The following COL24A1 variants were observed in gnomAD, a reference collection of about 807,000 sequenced individuals.
COL24A1 encodes collagen type XXIV alpha 1 chain, also known as collagen alpha-1(XXIV) chain.
Under a neutral mutation model 253.9 loss-of-function variants are expected in COL24A1, and 224 were observed. The observed-to-expected ratio is 0.88, with a 90% CI of 0.79 to 0.99. The LOEUF (loss-of-function observed/expected upper bound fraction) is 0.99. Among genes scored for constraint, COL24A1 ranks in the 50% least tolerant of loss-of-function variants. The pLI is 0.00. For synonymous variants in COL24A1, 685 were observed against 673.7 expected (o/e 1.02, Z -0.26); for missense variants, 2,131 against 2,068.5 (o/e 1.03, Z -0.59).
At chr1:85,922,183 T>C (rs866888344) in intron 24 of COL24A1, among the ~76,000 whole-genome samples, 1 of 152,178 alleles carries the variant, frequency 6.6e-6, no homozygotes, top group Admixed American at 6.5e-5. Flanking sequence ...AGACCAAATC[T>C]ACATTTCATT....
intron 20 of COL24A1, among the ~76,000 whole-genome samples, chr1:85,977,074 C>T (rs1692759309): frequency 6.6e-6 from 1 of 152,180 alleles, no homozygotes. Context: ...CCAGCACCAG[C>T]CTGGAGCCTG....
chr1:85,977,282 A>C (rs1317611931), intron 20 of COL24A1, among the ~76,000 whole-genome samples: 1 of 152,184 alleles, frequency 6.6e-6, no homozygotes, highest in East Asian at 1.9e-4. Context: ...AGGAACCAGA[A>C]AAGTAATTCT....
chr1:85,758,070 C>G (rs1666448548), intron 55 of COL24A1, among the ~76,000 whole-genome samples: 1 of 152,170 alleles, frequency 6.6e-6, no homozygotes, highest in East Asian at 1.9e-4. Context: ...AGAATGTAAT[C>G]TTCATAATTC....
chr1:86,156,753 G>T lies in COL24A1; in HGVS notation c.-357C>A. On this transcript the variant is annotated 5_prime_UTR_variant, in exon 1 of 60. Transcript: ENST00000370571. ...CACTCAAGTTCACTTGCGGTTCAAA[G>T]GCGACTCTGTGACTCCAGTGGAGTC... 1 of 186,800 alleles carries T rather than the reference G, an allele frequency of 5.4e-6. No individual in the cohort carries two copies. Among genetic ancestry groups the T allele is most frequent in the Non-Finnish European group, 1.1e-5 (1 of 91,544 alleles). 11.6% of individuals were successfully genotyped at this position (186,800 alleles called of 1,614,324 possible).
intron 5 of COL24A1, among the ~76,000 whole-genome samples, chr1:86,108,620 T>TAAAAAAAAAAAAAAAAA (rs55852463): frequency 2.9e-4 from 24 of 83,098 alleles, no homozygotes; most frequent in African/African-American, 1.2e-3. Flanking sequence ...CCATCTCTAC[T>TAAAAAAAAAAAAAAAAA]AAAAAAAAAA....
At chr1:85,822,959 C>T (rs1328251362) in intron 45 of COL24A1, among the ~76,000 whole-genome samples, 1 of 152,140 alleles carries the variant, frequency 6.6e-6, no homozygotes, top group African/African-American at 2.4e-5. Flanking sequence ...GGTGTTTCCT[C>T]TTAAGTAATT....
chr1:85,885,467 T>G (rs6701281), intron 32 of COL24A1, among the ~76,000 whole-genome samples: 58,651 of 150,314 alleles, frequency 0.39, 12,223 homozygotes, highest in East Asian at 0.57. Flanking sequence ...GTGATCCACC[T>G]GCTTTGGCCT....
intron 52 of COL24A1, among the ~76,000 whole-genome samples, chr1:85,777,598 T>C (rs1413123855): frequency 1.3e-5 from 2 of 152,166 alleles, no homozygotes; most frequent in Non-Finnish European, 2.9e-5. Context: ...CAATTTTTTT[T>C]CCAATAAAAG....
intron 7 of COL24A1, 105 bp from the exon 8 acceptor site, chr1:86,063,864 C>A (rs1284113150): frequency 7.5e-6 from 4 of 536,258 alleles, no homozygotes; most frequent in Non-Finnish European, 1.3e-5. Flanking sequence ...TTGGTTGCCT[C>A]ATCAATACAA....
chr1:85,773,937 T>C (rs555547801), intron 53 of COL24A1, among the ~76,000 whole-genome samples: 33 of 152,250 alleles, frequency 2.2e-4, no homozygotes, highest in Admixed American at 1.9e-3. Flanking sequence ...GAGGGTATCC[T>C]TGTCTTGTGG....
chr1:86,105,609 C>A (rs1294096834), intron 5 of COL24A1, among the ~76,000 whole-genome samples: 2 of 151,828 alleles, frequency 1.3e-5, no homozygotes, highest in Non-Finnish European at 2.9e-5. Context: ...GGGGAACAGT[C>A]TCCTATGGGA....
At chr1:85,934,908 A>G (rs1192095051) in intron 24 of COL24A1, among the ~76,000 whole-genome samples, 1 of 152,146 alleles carries the variant, frequency 6.6e-6, no homozygotes, top group Non-Finnish European at 1.5e-5. Flanking sequence ...AAGAATTTAC[A>G]TTAAAAATAT....
At chr1:85,756,604 G>A (rs1350133326) in intron 55 of COL24A1, among the ~76,000 whole-genome samples, 1 of 152,186 alleles carries the variant, frequency 6.6e-6, no homozygotes, top group Non-Finnish European at 1.5e-5. Context: ...GGAATCTTGT[G>A]CACTGCTGGT....
intron 47 of COL24A1, among the ~76,000 whole-genome samples, chr1:85,813,533 T>C (rs1379852574): frequency 1.7e-4 from 1 of 5,926 alleles, no homozygotes; most frequent in Admixed American, 1.1e-3. Flanking sequence ...CATTCAGGTC[T>C]TTTTTTTTTT....
intron 19 of COL24A1, among the ~76,000 whole-genome samples, chr1:86,002,570 C>A (rs146587802): frequency 6.6e-6 from 1 of 152,318 alleles, no homozygotes; most frequent in African/African-American, 2.4e-5. Context: ...CAGGTTCAGT[C>A]TGAAGAGATC....
chr1:85,870,342 C>G (rs186817791), intron 35 of COL24A1, among the ~76,000 whole-genome samples: 4 of 152,196 alleles, frequency 2.6e-5, no homozygotes, highest in Admixed American at 1.3e-4. Context: ...CTGCACCAAG[C>G]AGACCTAATA....
Position 86,022,313 on chromosome 1 carries a change from GA to G in COL24A1, c.2203-21del. On this transcript the variant is annotated intron_variant, in intron 17 of 59. Coordinates refer to ENST00000370571, the MANE Select transcript of COL24A1 (RefSeq NM_152890.7). ...AGCACCCTAAGAGAAGAGAATAACAGAAGAGAAAGTTATTATACCACAAAAG... is the reference window on the plus strand; with the variant it reads ...AGCACCCTAAGAGAAGAGAATAACAGAGAGAAAGTTATTATACCACAAAAG... 1.9e-6 allele frequency: 3 copies of G among 1,599,824 alleles called. No homozygotes were observed. Among genetic ancestry groups the G allele is most frequent in the Non-Finnish European group, 2.6e-6 (3 of 1,167,634 alleles).
In COL24A1 at chr1:85,935,395, A is replaced by G. The variant is rs1688174456; in HGVS notation, c.2563-23962T>C. Among the ~76,000 whole-genome samples the G allele has an allele frequency of 1.4e-5, 2 of 147,632 alleles. 1 individual carries two copies. The highest frequency in any genetic ancestry group is 3.0e-5 in the Non-Finnish European group (2 of 66,678). ...TCTTCAGACCTTTTCATTGGAGGGT[A>G]ATACTATGACTTGACAAGTAGGAAT... On this transcript the variant is annotated intron_variant, in intron 24 of 59. Transcript: ENST00000370571.
chr1:85,934,952 T>TA (rs137931540), intron 24 of COL24A1, among the ~76,000 whole-genome samples: 2,591 of 147,654 alleles, frequency 0.018, 75 homozygotes, highest in African/African-American at 0.059. Flanking sequence ...AACACACAAT[T>TA]AAAAAAAAAA....
Sources: allele counts gnomAD v4.1 joint callset (sites outside exome capture counted in the v4.1 genomes callset), GRCh38; gene constraint gnomAD v4.1.1; transcripts MANE v1.5; gene names NCBI Gene and HGNC (gene_info 2026-07-23, HGNC 2026-07-21).